The following NMNAT3 variants were observed in gnomAD, a reference collection of about 807,000 sequenced individuals.
NMNAT3 encodes nicotinamide/nicotinic acid mononucleotide adenylyltransferase 3.
In NMNAT3, 21 loss-of-function variants were observed where a neutral mutation model predicts 24.8. That is an observed-to-expected ratio of 0.85 (90% CI 0.60 to 1.22). The LOEUF (loss-of-function observed/expected upper bound fraction) is 1.22. Ranked by LOEUF, NMNAT3 falls within the 50% of genes most tolerant of loss-of-function variation. The probability of loss-of-function intolerance (pLI) is 0.00; values close to 1 mark genes in which losing one functional copy is unlikely to be tolerated. For missense variants in NMNAT3, 387 were observed against 436.6 expected (o/e 0.89, Z 1.01); for synonymous variants, 136 against 155.2 (o/e 0.88, Z 0.92).
At chr3:139,577,088 T>C (rs1264625836) in intron 5 of NMNAT3, among the ~76,000 whole-genome samples, 2 of 151,672 alleles carry the variant, frequency 1.3e-5, no homozygotes, top group African/African-American at 2.4e-5. Context: ...TAGCCATGTA[T>C]TGGAATCACC....
chr3:139,660,944 A>G (rs1355534458), intron 1 of NMNAT3, among the ~76,000 whole-genome samples: 1 of 152,238 alleles, frequency 6.6e-6, no homozygotes, highest in East Asian at 1.9e-4. Flanking sequence ...CTGAAGTGAC[A>G]TATGCGATGC....
At position 139,577,099 on chromosome 3, in the gene NMNAT3, A is replaced by G. The variant is rs192510329; in HGVS notation, c.575+1773T>C. On this transcript the variant is annotated intron_variant, in intron 5 of 6. Coordinates refer to ENST00000643695, the MANE Select transcript of NMNAT3 (RefSeq NM_001320510.2). ...GGGCTAGCCATGTATTGGAATCACCATGGAGCTTTTTTTGAGACCCTATCT... is the reference window on the plus strand; with the variant it reads ...GGGCTAGCCATGTATTGGAATCACCGTGGAGCTTTTTTTGAGACCCTATCT... 3.1e-3 allele frequency among the ~76,000 whole-genome samples: 464 copies of G among 151,026 alleles called. 1 individual carries two copies. Among genetic ancestry groups the G allele is most frequent in the African/African-American group, 0.01 (419 of 41,048 alleles).
intron 1 of NMNAT3, among the ~76,000 whole-genome samples, chr3:139,645,771 T>C (rs948965452): frequency 6.6e-6 from 1 of 152,158 alleles, no homozygotes; most frequent in Non-Finnish European, 1.5e-5. Context: ...TGATGGCACA[T>C]TGTTGCTCTC....
chr3:139,645,294 C>T (rs935875153), intron 1 of NMNAT3, among the ~76,000 whole-genome samples: 5 of 152,090 alleles, frequency 3.3e-5, no homozygotes, highest in East Asian at 3.9e-4. Context: ...CCTCTCACCT[C>T]GTGGAGAGTC....
chr3:139,592,735 G>A (rs1445763758), intron 3 of NMNAT3, among the ~76,000 whole-genome samples: 1 of 152,084 alleles, frequency 6.6e-6, no homozygotes, highest in African/African-American at 2.4e-5. Context: ...CATAAGTGAA[G>A]GAGAAATAAA....
chr3:139,660,758 C>A (rs1360347982), intron 1 of NMNAT3, among the ~76,000 whole-genome samples: 2 of 152,120 alleles, frequency 1.3e-5, no homozygotes, highest in African/African-American at 4.8e-5. Flanking sequence ...ACAAACACTC[C>A]AAGGGCTGCT....
At chr3:139,641,306 C>T (rs1396830219) in intron 1 of NMNAT3, among the ~76,000 whole-genome samples, 1 of 152,236 alleles carries the variant, frequency 6.6e-6, no homozygotes, top group East Asian at 1.9e-4. Context: ...GCTTAATTTG[C>T]TTCTGTGATT....
intron 2 of NMNAT3, chr3:139,636,387 G>A (rs1449504686): frequency 6.6e-6 from 1 of 151,836 alleles, no homozygotes; most frequent in East Asian, 1.9e-4. Flanking sequence ...TTCATGGGAG[G>A]AAAAACCCTT....
chr3:139,631,112 G>A (rs2056277840), intron 2 of NMNAT3, among the ~76,000 whole-genome samples: 1 of 152,094 alleles, frequency 6.6e-6, no homozygotes, highest in African/African-American at 2.4e-5. Flanking sequence ...CCTTTAATAA[G>A]TGCCTCTCTT....
rs368626082 is a variant in NMNAT3, at chr3:139,563,102, C to G, written c.659-1710G>C. Among the ~76,000 whole-genome samples, 16 of 152,348 alleles carry G rather than the reference C, an allele frequency of 1.1e-4. No individual in the cohort carries two copies. In the South Asian group the frequency reaches 3.3e-3, roughly 32 times the overall value. The stretch of plus-strand genomic sequence containing the variant: ...CACTCTATTCATAGAAACACCCACT[C>G]AACATTTATGAATTGTCTCCCAGTG... On this transcript the variant is annotated intron_variant, in intron 6 of 6. Transcript: ENST00000643695.
intron 2 of NMNAT3, among the ~76,000 whole-genome samples, chr3:139,629,838 C>T (rs769684161): frequency 6.6e-5 from 10 of 152,166 alleles, no homozygotes; most frequent in Admixed American, 2.6e-4. Flanking sequence ...GAAAACCCCC[C>T]GGCACATCCC....
intron 3 of NMNAT3, among the ~76,000 whole-genome samples, chr3:139,588,009 A>T (rs1433274202): frequency 6.6e-6 from 1 of 152,182 alleles, no homozygotes. Context: ...TGAGAAATCA[A>T]TGCTTTTTTA....
chr3:139,629,850 A>G (rs1047337047), intron 2 of NMNAT3, among the ~76,000 whole-genome samples: 1 of 152,166 alleles, frequency 6.6e-6, no homozygotes, highest in Admixed American at 6.5e-5. Flanking sequence ...GCACATCCCA[A>G]TATGTTAAGA....
chr3:139,676,927 G>A (rs1412961006), intron 1 of NMNAT3, among the ~76,000 whole-genome samples: 1 of 152,190 alleles, frequency 6.6e-6, no homozygotes, highest in Non-Finnish European at 1.5e-5. Context: ...CCATCACGCA[G>A]TGCTAAGTCA....
chr3:139,661,898 A>G (rs2057426889), intron 1 of NMNAT3, among the ~76,000 whole-genome samples: 1 of 152,230 alleles, frequency 6.6e-6, no homozygotes, highest in Non-Finnish European at 1.5e-5. Flanking sequence ...ATCACACCTG[A>G]AATTAACAGT....
intron 1 of NMNAT3, among the ~76,000 whole-genome samples, chr3:139,655,663 G>T (rs2057215940): frequency 6.6e-6 from 1 of 152,220 alleles, no homozygotes; most frequent in Admixed American, 6.5e-5. Context: ...AAGTGCCCGA[G>T]CCACAGAAGG....
chr3:139,576,220 A>G (rs1458405862), intron 5 of NMNAT3: 12 of 985,236 alleles, frequency 1.2e-5, no homozygotes, highest in Non-Finnish European at 1.4e-5. Flanking sequence ...CTTTACAATT[A>G]TAACTGGATT....
At chr3:139,578,670 T>C (rs1030881138) in intron 5 of NMNAT3, among the ~76,000 whole-genome samples, 1 of 152,206 alleles carries the variant, frequency 6.6e-6, no homozygotes, top group Non-Finnish European at 1.5e-5. Context: ...TACAGTGTTT[T>C]GTAATTTTTC....
At chr3:139,609,078 T>C (rs1315844898) in intron 3 of NMNAT3, among the ~76,000 whole-genome samples, 1 of 152,254 alleles carries the variant, frequency 6.6e-6, no homozygotes, top group Non-Finnish European at 1.5e-5. Flanking sequence ...GATTTGTTTC[T>C]TTTATTGCTG....
Sources: gnomAD v4.1 joint callset for allele counts (sites outside exome capture counted in the v4.1 genomes callset) on GRCh38, gnomAD v4.1.1 for gene constraint, MANE v1.5 for transcripts, NCBI Gene and HGNC (gene_info 2026-07-23, HGNC 2026-07-21) for gene names.